The following AKAP6 variants were observed in gnomAD, a reference collection of about 807,000 sequenced individuals.
AKAP6 encodes A-kinase anchor protein 6.
Under a neutral mutation model 188.5 loss-of-function variants are expected in AKAP6, and 58 were observed. That is an observed-to-expected ratio of 0.31 (90% CI 0.25 to 0.38). The LOEUF (loss-of-function observed/expected upper bound fraction) is 0.38, where lower values mean the gene tolerates loss of function less well. AKAP6 is among the 10% of genes least tolerant of loss of function. The pLI, the probability that AKAP6 is intolerant of heterozygous loss-of-function variation, is 1.00. For synonymous variants in AKAP6, 989 were observed against 998.6 expected, an observed-to-expected ratio of 0.99 and a Z score of 0.18; for missense variants, 2,710 against 2,740.0, an observed-to-expected ratio of 0.99 and a Z score of 0.24.
chr14:32,433,861 AG>A, intron 2 of AKAP6, 44 bp downstream of exon 2: 1 of 1,554,244 alleles, frequency 6.4e-7, no homozygotes, highest in Non-Finnish European at 8.7e-7. Context: ...AGTTTTCAAA[AG>A]GCTGTGGCAC....
At chr14:32,793,334 AC>A (rs2033666916) in intron 12 of AKAP6, among the ~76,000 whole-genome samples, 2 of 152,286 alleles carry the variant, frequency 1.3e-5, no homozygotes, top group African/African-American at 4.8e-5. Flanking sequence ...AGGAAAATTT[AC>A]CAAGCAAATG....
intron 7 of AKAP6, among the ~76,000 whole-genome samples, chr14:32,608,499 C>CA (rs34523121): frequency 0.59 from 62,350 of 104,916 alleles, 16,938 homozygotes; most frequent in South Asian, 0.76. Context: ...GAGTCTGTCT[C>CA]AAAAAAAAAA....
intron 11 of AKAP6, among the ~76,000 whole-genome samples, chr14:32,763,983 C>A (rs1034814188): frequency 3.9e-5 from 6 of 152,128 alleles, no homozygotes; most frequent in Non-Finnish European, 7.4e-5. Flanking sequence ...CATTTATATG[C>A]AAGGTATAGT....
chr14:32,631,971 A>G (rs1165590194), intron 7 of AKAP6, among the ~76,000 whole-genome samples: 2 of 152,058 alleles, frequency 1.3e-5, no homozygotes, highest in Non-Finnish European at 2.9e-5. Flanking sequence ...ATTTTAGAAG[A>G]TGGACGTGAG....
At chr14:32,678,110 A>G (rs1393385626) in intron 7 of AKAP6, among the ~76,000 whole-genome samples, 1 of 152,222 alleles carries the variant, frequency 6.6e-6, no homozygotes, top group East Asian at 1.9e-4. Flanking sequence ...TCATTTATTC[A>G]GGTCATATTT....
chr14:32,539,964 C>T (rs966206500), intron 3 of AKAP6, among the ~76,000 whole-genome samples: 7 of 151,510 alleles, frequency 4.6e-5, no homozygotes, highest in African/African-American at 1.5e-4. Flanking sequence ...CTCTAAGTTA[C>T]GAATGTTAGA....
At chr14:32,540,164 C>CTATATATATATATATATA (rs1212391189) in intron 3 of AKAP6, among the ~76,000 whole-genome samples, 1 of 97,480 alleles carries the variant, frequency 1.0e-5, no homozygotes, top group African/African-American at 5.4e-5. Flanking sequence ...CTCTCTCTCT[C>CTATATATATATATATATA]TCTCTATATA....
chr14:32,391,304 G>T (rs1047966331), intron 1 of AKAP6, among the ~76,000 whole-genome samples: 4 of 152,118 alleles, frequency 2.6e-5, no homozygotes, highest in African/African-American at 9.7e-5. Context: ...TTATTTAGAT[G>T]TTTTTCTCTG....
chr14:32,732,349 G>C, intron 9 of AKAP6, 105 bp from the exon 10 acceptor site: 1 of 1,330,284 alleles, frequency 7.5e-7, no homozygotes, highest in East Asian at 2.4e-5. Flanking sequence ...ATTTTATTGG[G>C]AACAAAAACT....
chr14:32,435,135 GA>G (rs1334044954), intron 2 of AKAP6, among the ~76,000 whole-genome samples: 4 of 152,156 alleles, frequency 2.6e-5, no homozygotes, highest in African/African-American at 7.2e-5. Context: ...AGGTTAAAGT[GA>G]AATAGAAATT....
chr14:32,766,934 G>GT (rs1023411833), intron 11 of AKAP6, among the ~76,000 whole-genome samples: 4 of 151,976 alleles, frequency 2.6e-5, no homozygotes, highest in African/African-American at 9.7e-5. Flanking sequence ...GATTTTTATA[G>GT]TTTTAGCTCT....
At chr14:32,495,920 G>A (rs534970479) in intron 2 of AKAP6, among the ~76,000 whole-genome samples, 2 of 152,256 alleles carry the variant, frequency 1.3e-5, no homozygotes, top group African/African-American at 4.8e-5. Flanking sequence ...CCGTATCAGT[G>A]TAAGTAACAT....
intron 1 of AKAP6, among the ~76,000 whole-genome samples, chr14:32,398,111 C>T (rs957978864): frequency 6.6e-6 from 1 of 152,216 alleles, no homozygotes; most frequent in Admixed American, 6.5e-5. Flanking sequence ...AGAGAACTCC[C>T]TCTGCCCTTT....
At chr14:32,800,129 C>CACATATAT (rs1239450515) in intron 12 of AKAP6, among the ~76,000 whole-genome samples, 11 of 140,538 alleles carry the variant, frequency 7.8e-5, no homozygotes, top group African/African-American at 3.0e-4. Context: ...TATATATACA[C>CACATATAT]ACATATATAT....
chr14:32,462,797 A>T (rs1166211832), intron 2 of AKAP6, among the ~76,000 whole-genome samples: 2 of 151,766 alleles, frequency 1.3e-5, no homozygotes, highest in African/African-American at 4.8e-5. Context: ...GGATAGAGCC[A>T]AGACCTATTG....
At chr14:32,779,357 C>T (rs2033165947) in intron 12 of AKAP6, among the ~76,000 whole-genome samples, 1 of 139,142 alleles carries the variant, frequency 7.2e-6, no homozygotes, top group African/African-American at 2.7e-5. Context: ...CTACCATGAA[C>T]AGTGTTTGTG....
chr14:32,616,583 A>G (rs748723272), intron 7 of AKAP6, among the ~76,000 whole-genome samples: 1 of 152,168 alleles, frequency 6.6e-6, no homozygotes, highest in South Asian at 2.1e-4. Context: ...AGCAAAAGAC[A>G]TTGGAGCCTT....
chr14:32,830,236 G>A lies in AKAP6; in HGVS notation c.*431G>A. 2.8e-6 allele frequency: 1 copy of A among 358,542 alleles called. No individual in the cohort carries two copies. The highest frequency in any genetic ancestry group is 4.6e-5 in the East Asian group (1 of 21,970). 22.2% of individuals were successfully genotyped at this position (358,542 alleles called of 1,614,324 possible). ...CCCACCAGTACTTGACCAATTTCAT[G>A]TATCAATCTGGATTTTTTTTTAACG... On this transcript the variant is annotated 3_prime_UTR_variant, in exon 14 of 14. Coordinates refer to ENST00000280979, the MANE Select transcript of AKAP6 (RefSeq NM_004274.5).
intron 7 of AKAP6, among the ~76,000 whole-genome samples, chr14:32,625,893 CTG>C (rs1451331376): frequency 1.3e-5 from 2 of 152,062 alleles, no homozygotes; most frequent in African/African-American, 4.8e-5. Context: ...ATTTAGGTGA[CTG>C]TATTTCAGCC....
Sources: allele counts gnomAD v4.1 joint callset (sites outside exome capture counted in the v4.1 genomes callset), GRCh38; gene constraint gnomAD v4.1.1; transcripts MANE v1.5; gene names NCBI Gene and HGNC (gene_info 2026-07-23, HGNC 2026-07-21).